Variants in RBFOX1 observed in about 807,000 individuals in gnomAD.
RBFOX1 encodes the protein RNA binding fox-1 homolog 1.
RBFOX1 carries 8 observed loss-of-function variants against 57.7 expected under a neutral mutation model. The observed-to-expected ratio is 0.14, with a 90% CI of 0.08 to 0.25. RBFOX1 has a LOEUF of 0.25. Among genes scored for constraint, RBFOX1 ranks in the 10% least tolerant of loss-of-function variants. RBFOX1 has a pLI of 1.00. For synonymous variants in RBFOX1, 326 were observed against 222.4 expected (o/e 1.47, Z -4.15); for missense variants, 611 against 548.5 (o/e 1.11, Z -1.14).
At chr16:7,190,423 C>A (rs1315887406) in intron 4 of RBFOX1, among the ~76,000 whole-genome samples, 1 of 152,106 alleles carries the variant, frequency 6.6e-6, no homozygotes, top group Non-Finnish European at 1.5e-5. Context: ...TGTTGTCAGC[C>A]TTTACAAGCA....
chr16:6,872,404 T>A (rs1409456674), intron 3 of RBFOX1, among the ~76,000 whole-genome samples: 1 of 152,184 alleles, frequency 6.6e-6, no homozygotes, highest in Non-Finnish European at 1.5e-5. Flanking sequence ...AGCTCTTTTT[T>A]TAATCGATCA....
intron 4 of RBFOX1, among the ~76,000 whole-genome samples, chr16:7,311,559 C>G (rs1231179555): frequency 7.2e-6 from 1 of 138,264 alleles, no homozygotes; most frequent in Non-Finnish European, 1.5e-5. Flanking sequence ...AAAACAGTAA[C>G]AAACATCCCC....
At chr16:7,485,354 A>G (rs1274607105) in intron 4 of RBFOX1, among the ~76,000 whole-genome samples, 1 of 152,222 alleles carries the variant, frequency 6.6e-6, no homozygotes, top group Non-Finnish European at 1.5e-5. Flanking sequence ...ACATTTCTGG[A>G]AGACATTTTC....
chr16:6,005,336 C>G (rs17139113), intron 4 of RBFOX1, among the ~76,000 whole-genome samples: 20,443 of 152,208 alleles, frequency 0.13, 1,777 homozygotes, highest in Middle Eastern at 0.28. Context: ...GACACTCATT[C>G]CCTTATGCAG....
chr16:6,939,698 G>A (rs145231948), intron 3 of RBFOX1, among the ~76,000 whole-genome samples: 2 of 151,894 alleles, frequency 1.3e-5, no homozygotes, highest in African/African-American at 2.4e-5. Context: ...CTTTGGTAGA[G>A]TTGAGGCTTC....
At chr16:5,694,613 G>C (rs1238341749) in intron 3 of RBFOX1, among the ~76,000 whole-genome samples, 1 of 152,018 alleles carries the variant, frequency 6.6e-6, no homozygotes, top group Non-Finnish European at 1.5e-5. Flanking sequence ...CTAGGGTTTG[G>C]GTTATGTCTG....
intron 7 of RBFOX1, among the ~76,000 whole-genome samples, chr16:7,593,782 A>G (rs1026436455): frequency 6.6e-6 from 1 of 151,952 alleles, no homozygotes; most frequent in African/African-American, 2.4e-5. Flanking sequence ...TTGGAAATGC[A>G]AGGATTTGGG....
intron 4 of RBFOX1, among the ~76,000 whole-genome samples, chr16:7,517,339 T>C (rs1286480121): frequency 6.6e-6 from 1 of 152,088 alleles, no homozygotes; most frequent in African/African-American, 2.4e-5. Flanking sequence ...ATCTGAAGAA[T>C]GAATTGTTAT....
chr16:6,607,512 C>G (rs1277629355), intron 2 of RBFOX1, among the ~76,000 whole-genome samples: 1 of 147,146 alleles, frequency 6.8e-6, no homozygotes, highest in Non-Finnish European at 1.5e-5. Context: ...CCCCTCTCTT[C>G]TCTCTCCTAT....
At chr16:6,820,125 A>C (rs2091006999) in intron 3 of RBFOX1, among the ~76,000 whole-genome samples, 1 of 152,140 alleles carries the variant, frequency 6.6e-6, no homozygotes, top group Non-Finnish European at 1.5e-5. Flanking sequence ...TGATGGTTTT[A>C]TAAAGGACAC....
intron 4 of RBFOX1, among the ~76,000 whole-genome samples, chr16:7,060,255 A>G (rs1408893718): frequency 6.6e-6 from 1 of 152,216 alleles, no homozygotes; most frequent in Non-Finnish European, 1.5e-5. Context: ...ATGTCTCAAT[A>G]AAACTTTATT....
intron 3 of RBFOX1, among the ~76,000 whole-genome samples, chr16:5,641,162 C>G (rs541987297): frequency 1.3e-5 from 2 of 150,742 alleles, no homozygotes; most frequent in African/African-American, 4.9e-5. Flanking sequence ...CATGCATGTA[C>G]ACACATGCAC....
chr16:7,127,510 C>CT (rs1314836645), intron 4 of RBFOX1, among the ~76,000 whole-genome samples: 1 of 152,154 alleles, frequency 6.6e-6, no homozygotes, highest in African/African-American at 2.4e-5. Context: ...CAGGGATTTA[C>CT]TTACAGGTCT....
intron 1 of RBFOX1, among the ~76,000 whole-genome samples, chr16:5,296,539 A>G (rs2063672794): frequency 6.6e-6 from 1 of 151,514 alleles, no homozygotes; most frequent in Admixed American, 6.6e-5. Context: ...GCAGTTCAAT[A>G]GAGGAATTTA....
chr16:5,429,470 C>T (rs1225823766), intron 1 of RBFOX1, among the ~76,000 whole-genome samples: 1 of 152,156 alleles, frequency 6.6e-6, no homozygotes, highest in Admixed American at 6.5e-5. Context: ...GCTCCTTGGT[C>T]TCAAGCATCT....
intron 4 of RBFOX1, chr16:7,304,207 A>C: frequency 1.2e-6 from 1 of 845,554 alleles, no homozygotes; most frequent in African/African-American, 3.1e-5. Flanking sequence ...AGAGACAGAG[A>C]GAGAGACAGA....
At chr16:6,600,281 A>C (rs1430874608) in intron 2 of RBFOX1, among the ~76,000 whole-genome samples, 1 of 152,054 alleles carries the variant, frequency 6.6e-6, no homozygotes, top group Non-Finnish European at 1.5e-5. Flanking sequence ...GTCCTCCCCT[A>C]CCTGGTTCTC....
intron 3 of RBFOX1, among the ~76,000 whole-genome samples, chr16:6,931,965 G>C (rs1404818084): frequency 6.6e-6 from 1 of 152,048 alleles, no homozygotes; most frequent in Non-Finnish European, 1.5e-5. Flanking sequence ...TTTTAATCAG[G>C]AATCAACTCC....
intron 14 of RBFOX1, among the ~76,000 whole-genome samples, chr16:7,705,048 GAAAAAAAA>G (rs36086189): frequency 7.7e-6 from 1 of 129,836 alleles, no homozygotes; most frequent in Non-Finnish European, 1.6e-5. Flanking sequence ...TGTCTCAAAA[GAAAAAAAA>G]AAAAAAAAGG....
Sources: gnomAD v4.1 joint callset for allele counts (sites outside exome capture counted in the v4.1 genomes callset) on GRCh38, gnomAD v4.1.1 for gene constraint, MANE v1.5 for transcripts, NCBI Gene and HGNC (gene_info 2026-07-23, HGNC 2026-07-21) for gene names.